CALCOCO2: variants seen among roughly 807,000 people sequenced by gnomAD.
The protein encoded by CALCOCO2 is calcium-binding and coiled-coil domain-containing protein 2.
CALCOCO2 carries 42 observed loss-of-function variants against 62.5 expected under a neutral mutation model. That is an observed-to-expected ratio of 0.67 (90% confidence interval 0.53 to 0.87). The LOEUF (loss-of-function observed/expected upper bound fraction) is 0.87. CALCOCO2 is among the 40% of genes least tolerant of loss of function. The pLI, the probability that CALCOCO2 is intolerant of heterozygous loss-of-function variation, is 0.00. For synonymous variants in CALCOCO2, 167 were observed against 173.0 expected (o/e 0.97, Z 0.27); for missense variants, 456 against 515.0 (o/e 0.89, Z 1.11).
At chr17:48,854,635 A>C (rs1408408183) in intron 9 of CALCOCO2, among the ~76,000 whole-genome samples, 1 of 150,164 alleles carries the variant, frequency 6.7e-6, no homozygotes, top group Non-Finnish European at 1.5e-5. Flanking sequence ...CAAACTCCTG[A>C]CCTCTGGTGA....
rs962046862 is a variant in CALCOCO2 at position 48,864,550 on chromosome 17, A to G, written c.*1545A>G. On this transcript the variant is annotated 3_prime_UTR_variant, in exon 13 of 13. Transcript: ENST00000258947. The stretch of plus-strand genomic sequence containing the variant: ...GAACAAATGGAAATAACTCCCAGGC[A>G]GTATCAGGTGGTCACTACAGAGACT... The G allele has an allele frequency of 2.6e-5, 4 of 152,614 alleles. No homozygotes were observed. The highest frequency in any genetic ancestry group is 5.9e-5 in the Non-Finnish European group (4 of 68,214). 9.5% of individuals were successfully genotyped at this position (152,614 alleles called of 1,614,324 possible). A position where few individuals can be genotyped will look rare whatever the true frequency, so the allele number is the denominator to read the frequency against.
Position 48,863,598 on chromosome 17 carries a change from G to T in CALCOCO2, c.*593G>T, listed in dbSNP as rs2040356536. ...CTTACTCCTGAACCTTAGACAGGAA[G>T]TATTGTTTCAGTCACAGAAAGCTTT... On this transcript the variant is annotated 3_prime_UTR_variant, in exon 13 of 13. Transcript: ENST00000258947. The T allele has an allele frequency of 6.5e-6, 1 of 154,872 alleles. No individual in the cohort carries two copies. Among genetic ancestry groups the T allele is most frequent in the Admixed American group, 6.3e-5 (1 of 15,872 alleles). 9.6% of individuals were successfully genotyped at this position (154,872 alleles called of 1,614,324 possible).
chr17:48,839,165 G>A (rs1383679963), intron 1 of CALCOCO2, among the ~76,000 whole-genome samples: 1 of 151,266 alleles, frequency 6.6e-6, no homozygotes, highest in African/African-American at 2.4e-5. Flanking sequence ...CCGCCACCAC[G>A]CCCGGCTAAT....
chr17:48,856,247 C>A, intron 10 of CALCOCO2, 60 bp downstream of exon 10: 1 of 911,148 alleles, frequency 1.1e-6, no homozygotes, highest in Non-Finnish European at 1.7e-6. Context: ...TCAGGGTGGC[C>A]CAGAGATGTA....
At chr17:48,838,539 C>G (rs1342765351) in intron 1 of CALCOCO2, among the ~76,000 whole-genome samples, 2 of 151,880 alleles carry the variant, frequency 1.3e-5, no homozygotes, top group Non-Finnish European at 2.9e-5. Context: ...ACGGTGAAAC[C>G]CTGTGTCTAC....
intron 10 of CALCOCO2, chr17:48,856,648 CATTCA>C: frequency 1.3e-5 from 6 of 449,796 alleles, no homozygotes; most frequent in East Asian, 7.1e-5. Flanking sequence ...TGCATTCATT[CATTCA>C]TTCATTCATT....
chr17:48,862,860 T>C lies in CALCOCO2; in HGVS notation c.1196T>C (p.Ile399Thr), dbSNP rs1208674698. The change falls in exon 13 of 13, where the codon ATC becomes ACC. Residue 399 changes from isoleucine (I) to threonine (T), a missense_variant. Coordinates refer to ENST00000258947, the MANE Select transcript of CALCOCO2 (RefSeq NM_005831.5). ...PSPLSIKKCP[I>T]CKADDICDHT... is the part of the protein sequence containing the mutation. ...CAGCTCTCCATCAAGAAATGCCCTA[T>C]CTGCAAAGCAGATGATATTTGTGAT... 5.6e-6 allele frequency: 9 copies of C among 1,614,032 alleles called. No individual in the cohort carries two copies. Among genetic ancestry groups the C allele is most frequent in the Non-Finnish European group, 7.6e-6 (9 of 1,179,998 alleles).
chr17:48,848,380 T>C lies in CALCOCO2; in HGVS notation c.342T>C (p.Gly114=). The C allele has an allele frequency of 1.9e-6, 3 of 1,613,316 alleles. No homozygotes were observed. Among genetic ancestry groups the C allele is most frequent in the Non-Finnish European group, 2.5e-6 (3 of 1,179,250 alleles). ...AGTTCTGCTATGTGGATGAGGATGG[T>C]GTGGTCCGGGGAGCAAGTATTCCTT... ...YYQFCYVDED[G]VVRGASIPFQ... is the part of the protein sequence containing the mutation. The change falls in exon 4 of 13, where the codon GGT becomes GGC. Residue 114 remains glycine, a synonymous_variant. Transcript: ENST00000258947.
In CALCOCO2 at chr17:48,849,363, C is replaced by T. The variant is rs1241478863; in HGVS notation, c.529C>T (p.Leu177Phe). The T allele has an allele frequency of 6.8e-6, 11 of 1,613,172 alleles. No homozygotes were observed. Among genetic ancestry groups the T allele is most frequent in the Non-Finnish European group, 9.3e-6 (11 of 1,179,752 alleles). The change falls in exon 5 of 13, where the codon CTC becomes TTC. Residue 177 changes from leucine to phenylalanine, a missense_variant. Transcript: ENST00000258947. Reference sequence around the variant, plus strand: ...GCAGAACTCAGACATGCAGGCTGAGCTCCAAAAGAAGCAGGTATGGCTGCT... The same window carrying T: ...GCAGAACTCAGACATGCAGGCTGAGTTCCAAAAGAAGCAGGTATGGCTGCT... Reference protein sequence around the residue: ...QKQNSDMQAELQKKQEELETL... With the variant: ...QKQNSDMQAEFQKKQEELETL...
chr17:48,853,546 A>C (rs1233245901), intron 9 of CALCOCO2, among the ~76,000 whole-genome samples: 4 of 152,358 alleles, frequency 2.6e-5, no homozygotes, highest in Admixed American at 2.6e-4. Flanking sequence ...CAAGGACATG[A>C]GTAATCCTGA....
intron 11 of CALCOCO2, among the ~76,000 whole-genome samples, chr17:48,862,038 G>GACTCT (rs2040335583): frequency 9.1e-6 from 1 of 109,416 alleles, no homozygotes; most frequent in Non-Finnish European, 1.9e-5. Context: ...GACAAAGCGA[G>GACTCT]ACTCTGTCTC....
At chr17:48,846,159 CAG>C (rs1333288182) in intron 2 of CALCOCO2, 5 of 834,258 alleles carry the variant, frequency 6.0e-6, no homozygotes, top group East Asian at 5.7e-5. Flanking sequence ...TATTTTGAGA[CAG>C]AGTCTTGCTC....
intron 1 of CALCOCO2, among the ~76,000 whole-genome samples, chr17:48,838,862 T>G (rs1169490471): frequency 6.6e-6 from 1 of 152,182 alleles, no homozygotes; most frequent in Non-Finnish European, 1.5e-5. Flanking sequence ...ACTGAAATAT[T>G]TTTTTCATGT....
At position 48,859,045 on chromosome 17, in the gene CALCOCO2, C is replaced by CAA. The variant is rs61643790; in HGVS notation, c.1009-1242_1009-1241dup. 4.6e-3 allele frequency among the ~76,000 whole-genome samples: 164 copies of CAA among 35,642 alleles called. 24 individuals are homozygous for CAA. The highest frequency in any genetic ancestry group is 0.014 in the African/African-American group (116 of 8,292). 23.4% of individuals were successfully genotyped at this position (35,642 alleles called of 152,430 possible). On this transcript the variant is annotated intron_variant, in intron 10 of 12. Coordinates refer to ENST00000258947, the MANE Select transcript of CALCOCO2 (RefSeq NM_005831.5). ...TGGGCGACAGAGCAAGACTCTGTCT[C>CAA]AAAAAAAAAAAAAAAAAAAAAAAAA...
intron 2 of CALCOCO2, among the ~76,000 whole-genome samples, chr17:48,843,671 G>C (rs1193042829): frequency 6.6e-6 from 1 of 152,200 alleles, no homozygotes; most frequent in African/African-American, 2.4e-5. Context: ...ACTAAAAGGC[G>C]TGCCAACCCA....
chr17:48,850,653 G>A (rs2040115831), intron 5 of CALCOCO2, among the ~76,000 whole-genome samples: 1 of 152,184 alleles, frequency 6.6e-6, no homozygotes, highest in African/African-American at 2.4e-5. Context: ...TGCAATGCAA[G>A]AACAGTGTCT....
rs2040362925 is a variant in CALCOCO2, at chr17:48,864,085, T to TC, written c.*1080_*1081insC. Reference sequence around the variant, plus strand: ...TTCTTTCTTTTTTTTTTTTTTTTTTTGAAACAGTCTCTCTCTGTCACCCAG... The same window carrying TC: ...TTCTTTCTTTTTTTTTTTTTTTTTTTCGAAACAGTCTCTCTCTGTCACCCAG... On this transcript the variant is annotated 3_prime_UTR_variant, in exon 13 of 13. Coordinates refer to ENST00000258947, the MANE Select transcript of CALCOCO2 (RefSeq NM_005831.5). 1 of 143,550 alleles carries TC rather than the reference T, an allele frequency of 7.0e-6. No homozygotes were observed. Among genetic ancestry groups the TC allele is most frequent in the Non-Finnish European group, 1.5e-5 (1 of 66,694 alleles). 8.9% of individuals were successfully genotyped at this position (143,550 alleles called of 1,614,324 possible).
chr17:48,859,697 C>T (rs777554881), intron 10 of CALCOCO2, among the ~76,000 whole-genome samples: 1 of 152,130 alleles, frequency 6.6e-6, no homozygotes, highest in Non-Finnish European at 1.5e-5. Flanking sequence ...TAGCTCCTGC[C>T]ACTTTCATAT....
chr17:48,841,913 G>A (rs780772905), intron 2 of CALCOCO2, 26 bp downstream of exon 2: 2 of 1,541,490 alleles, frequency 1.3e-6, no homozygotes, highest in East Asian at 2.3e-5. Context: ...AGTACCAAGT[G>A]ATCAGGAACT....
Sources: gnomAD v4.1 joint callset for allele counts (sites outside exome capture counted in the v4.1 genomes callset) on GRCh38, gnomAD v4.1.1 for gene constraint, MANE v1.5 for transcripts, NCBI Gene and HGNC (gene_info 2026-07-23, HGNC 2026-07-21) for gene names.